Variants in GLI2 observed in about 807,000 individuals in gnomAD.
The protein encoded by GLI2 is GLI family zinc finger 2.
Under a neutral mutation model 78.9 loss-of-function variants are expected in GLI2, and 22 were observed. The ratio of observed to expected loss-of-function variants is 0.28; its 90% CI spans 0.20 to 0.40. GLI2 has a LOEUF of 0.40. Among genes scored for constraint, GLI2 ranks in the 10% least tolerant of loss-of-function variants. The probability of loss-of-function intolerance (pLI) is 1.00; values close to 1 mark genes in which losing one functional copy is unlikely to be tolerated. For synonymous variants in GLI2, 974 were observed against 963.7 expected (o/e 1.01, Z -0.20); for missense variants, 2,097 against 2,213.2 (o/e 0.95, Z 1.05).
intron 11 of GLI2, among the ~76,000 whole-genome samples, chr2:120,983,775 G>C (rs1288187462): frequency 6.6e-6 from 1 of 152,176 alleles, no homozygotes; most frequent in Non-Finnish European, 1.5e-5. Flanking sequence ...ACATATCCTG[G>C]ACCCCAAAGG....
At chr2:120,887,907 A>C (rs1337063222) in intron 2 of GLI2, among the ~76,000 whole-genome samples, 2 of 152,234 alleles carry the variant, frequency 1.3e-5, no homozygotes, top group Admixed American at 6.5e-5. Flanking sequence ...TGGGACATGC[A>C]TTCACAAACC....
intron 2 of GLI2, among the ~76,000 whole-genome samples, chr2:120,805,193 A>G (rs550187108): frequency 1.4e-4 from 21 of 152,328 alleles, no homozygotes; most frequent in Non-Finnish European, 1.9e-4. Context: ...CATTTCCCCA[A>G]GCACAACAGG....
intron 2 of GLI2, among the ~76,000 whole-genome samples, chr2:120,841,889 G>GTGT (rs1558827926): frequency 6.7e-6 from 1 of 149,964 alleles, no homozygotes; most frequent in Admixed American, 6.6e-5. Context: ...GTGTGTGTGT[G>GTGT]ATGCTGGGCT....
intron 2 of GLI2, among the ~76,000 whole-genome samples, chr2:120,920,838 G>A (rs1679335298): frequency 6.6e-6 from 1 of 151,666 alleles, no homozygotes; most frequent in Admixed American, 6.6e-5. Context: ...GTTTTCAGGG[G>A]GATGGTGTGT....
chr2:120,775,798 G>T (rs1014133035), intron 1 of GLI2, among the ~76,000 whole-genome samples: 1 of 152,210 alleles, frequency 6.6e-6, no homozygotes, highest in South Asian at 2.1e-4. Flanking sequence ...GGGAAGGGGA[G>T]TGTTCCCCTG....
At position 120,978,594 on chromosome 2, in the gene GLI2, T is replaced by C; in HGVS notation, c.1467+11T>C. 1 of 1,611,908 alleles carries C rather than the reference T, an allele frequency of 6.2e-7. No homozygotes were observed. On this transcript the variant is annotated intron_variant, in intron 10 of 13. Transcript: ENST00000361492. ...CCCCACAAGTGCACGGTGAGTGGCCTTCTCCCCACCCCCGCCGCAGCATCA... is the reference window on the plus strand; with the variant it reads ...CCCCACAAGTGCACGGTGAGTGGCCCTCTCCCCACCCCCGCCGCAGCATCA...
chr2:120,791,628 T>G (rs757547506), intron 1 of GLI2, among the ~76,000 whole-genome samples: 4 of 152,218 alleles, frequency 2.6e-5, no homozygotes, highest in Non-Finnish European at 5.9e-5. Flanking sequence ...TGTGCATGTG[T>G]TTGCCTGGGT....
intron 2 of GLI2, among the ~76,000 whole-genome samples, chr2:120,911,609 T>C (rs1213746891): frequency 6.6e-6 from 1 of 152,186 alleles, no homozygotes; most frequent in Non-Finnish European, 1.5e-5. Flanking sequence ...CACTCATTCA[T>C]GTATTCATTC....
intron 1 of GLI2, among the ~76,000 whole-genome samples, chr2:120,777,657 T>C (rs1326787010): frequency 1.3e-5 from 2 of 149,540 alleles, no homozygotes; most frequent in Non-Finnish European, 1.5e-5. Flanking sequence ...GACTTGGCCA[T>C]TGAGGACTTG....
rs144828611 is a variant in GLI2 at position 120,829,067 on chromosome 2, C to T, written c.148+31599C>T. Reference sequence around the variant, plus strand: ...CCACATGCTCACAGTCACACACGTACGCATGCATGCACACAGGGACAGCCA... The same window carrying T: ...CCACATGCTCACAGTCACACACGTATGCATGCATGCACACAGGGACAGCCA... On this transcript the variant is annotated intron_variant, in intron 2 of 13. Transcript: ENST00000361492. Among the ~76,000 whole-genome samples the T allele has an allele frequency of 3.2e-3, 469 of 145,982 alleles. 2 individuals are homozygous for T. The highest frequency in any genetic ancestry group is 0.01 in the African/African-American group (410 of 39,596).
chr2:120,927,179 C>T (rs568493050), intron 2 of GLI2, among the ~76,000 whole-genome samples, 182 bp from the exon 3 acceptor site: 5 of 152,338 alleles, frequency 3.3e-5, no homozygotes, highest in South Asian at 4.1e-4. Flanking sequence ...GTAGAATTCT[C>T]GGGCAGACTT....
chr2:120,755,227 G>A (rs910645401), intron 1 of GLI2, among the ~76,000 whole-genome samples: 1 of 152,202 alleles, frequency 6.6e-6, no homozygotes, highest in Non-Finnish European at 1.5e-5. Flanking sequence ...AATGGTATTT[G>A]AAAGTTCCAT....
chr2:120,851,202 G>C (rs563918286), intron 2 of GLI2, among the ~76,000 whole-genome samples: 1 of 152,262 alleles, frequency 6.6e-6, no homozygotes, highest in African/African-American at 2.4e-5. Context: ...TTTGTAACAA[G>C]AACTCATTGG....
At chr2:120,846,098 T>C (rs1687102264) in intron 2 of GLI2, among the ~76,000 whole-genome samples, 1 of 152,140 alleles carries the variant, frequency 6.6e-6, no homozygotes, top group African/African-American at 2.4e-5. Flanking sequence ...TACTCGTGTG[T>C]TGTCATTTGT....
intron 3 of GLI2, among the ~76,000 whole-genome samples, chr2:120,941,749 G>A (rs1680457651): frequency 1.3e-5 from 2 of 152,222 alleles, no homozygotes. Flanking sequence ...CCCACCCATG[G>A]CCCTGTGATC....
chr2:120,987,708 G>A (rs979846954), intron 13 of GLI2, among the ~76,000 whole-genome samples: 4 of 152,190 alleles, frequency 2.6e-5, no homozygotes, highest in Non-Finnish European at 5.9e-5. Context: ...ACCAACCTGG[G>A]CCTTCCTGAG....
At chr2:120,812,163 A>G (rs1473881290) in intron 2 of GLI2, among the ~76,000 whole-genome samples, 5 of 152,174 alleles carry the variant, frequency 3.3e-5, no homozygotes, top group Admixed American at 6.5e-5. Context: ...GGCGCAATAG[A>G]AAACCACTTC....
intron 2 of GLI2, among the ~76,000 whole-genome samples, chr2:120,882,074 T>A (rs1354178184): frequency 6.6e-6 from 1 of 152,110 alleles, no homozygotes; most frequent in African/African-American, 2.4e-5. Flanking sequence ...AACTTGCAGA[T>A]CAAACAATTC....
chr2:120,806,060 C>G (rs112298251), intron 2 of GLI2, among the ~76,000 whole-genome samples: 1 of 152,118 alleles, frequency 6.6e-6, no homozygotes, highest in Non-Finnish European at 1.5e-5. Context: ...CAGTATGCGC[C>G]GGAGGGAGAA....
Sources: gnomAD v4.1 joint callset for allele counts (sites outside exome capture counted in the v4.1 genomes callset) on GRCh38, gnomAD v4.1.1 for gene constraint, MANE v1.5 for transcripts, NCBI Gene and HGNC (gene_info 2026-07-23, HGNC 2026-07-21) for gene names.